Variants in PTPRD observed in about 807,000 individuals in gnomAD.
PTPRD encodes receptor-type tyrosine-protein phosphatase delta.
PTPRD carries 34 observed loss-of-function variants against 214.5 expected under a neutral mutation model. The observed-to-expected ratio is 0.16, with a 90% CI of 0.12 to 0.21. PTPRD has a LOEUF of 0.21. PTPRD is among the 10% of genes least tolerant of loss of function. The pLI, the probability that PTPRD is intolerant of heterozygous loss-of-function variation, is 1.00. For synonymous variants in PTPRD, 1,128 were observed against 845.7 expected, an observed-to-expected ratio of 1.33 and a Z score of -5.79; for missense variants, 2,545 against 2,398.7, an observed-to-expected ratio of 1.06 and a Z score of -1.27.
intron 11 of PTPRD, among the ~76,000 whole-genome samples, chr9:8,836,338 C>A (rs2154531280): frequency 6.6e-6 from 1 of 152,196 alleles, no homozygotes; most frequent in Admixed American, 6.5e-5. Context: ...GAGCCCTTGG[C>A]ACATCTCTAA....
intron 11 of PTPRD, among the ~76,000 whole-genome samples, chr9:8,797,621 C>T (rs2096468008): frequency 6.6e-6 from 1 of 152,188 alleles, no homozygotes; most frequent in South Asian, 2.1e-4. Context: ...GTCTCAAACA[C>T]TATCACATCT....
At chr9:8,810,089 C>T (rs888045473) in intron 11 of PTPRD, among the ~76,000 whole-genome samples, 3 of 152,178 alleles carry the variant, frequency 2.0e-5, no homozygotes, top group South Asian at 2.1e-4. Context: ...ACACACTGGA[C>T]GTTTACTACT....
At chr9:8,488,423 G>A (rs1444551944) in intron 27 of PTPRD, among the ~76,000 whole-genome samples, 5 of 152,156 alleles carry the variant, frequency 3.3e-5, no homozygotes, top group Non-Finnish European at 5.9e-5. Context: ...TGTGTGCTGT[G>A]TTATACATAT....
chr9:9,672,310 C>A (rs2096847208), intron 7 of PTPRD, among the ~76,000 whole-genome samples: 2 of 151,354 alleles, frequency 1.3e-5, no homozygotes, highest in South Asian at 4.2e-4. Flanking sequence ...TTATGATGGG[C>A]AAAAAATAAA....
chr9:8,996,179 C>A (rs1000362633), intron 11 of PTPRD, among the ~76,000 whole-genome samples: 3 of 152,090 alleles, frequency 2.0e-5, no homozygotes, highest in Non-Finnish European at 4.4e-5. Flanking sequence ...ACTACAGCAA[C>A]TTTAATTCAT....
chr9:9,669,470 G>T (rs561783576), intron 7 of PTPRD, among the ~76,000 whole-genome samples: 70 of 152,132 alleles, frequency 4.6e-4, no homozygotes, highest in Non-Finnish European at 7.9e-4. Flanking sequence ...CAATTTGTGA[G>T]TGCTTTAGAA....
chr9:10,211,784 T>A (rs545163159), intron 3 of PTPRD, among the ~76,000 whole-genome samples: 2 of 151,896 alleles, frequency 1.3e-5, no homozygotes, highest in Non-Finnish European at 2.9e-5. Flanking sequence ...ATAATAGGCA[T>A]TGGGAAATCG....
intron 3 of PTPRD, among the ~76,000 whole-genome samples, chr9:10,042,926 A>T (rs1422498348): frequency 6.6e-6 from 1 of 151,986 alleles, no homozygotes; most frequent in Admixed American, 6.6e-5. Context: ...TCCCTATAAC[A>T]TGTAAACAGT....
chr9:10,187,442 A>G (rs1412674881), intron 3 of PTPRD, among the ~76,000 whole-genome samples: 1 of 152,178 alleles, frequency 6.6e-6, no homozygotes, highest in African/African-American at 2.4e-5. Flanking sequence ...CCTCTCAACA[A>G]AAATTTACTT....
Position 10,417,708 on chromosome 9 carries a change from A to G in PTPRD, c.-599-76691T>C, listed in dbSNP as rs139618392. ...AAAATTAAAATTAAAATTGGAAACA[A>G]TAGTAGCAAGGAAGACCCTTCCCCA... On this transcript the variant is annotated intron_variant, in intron 2 of 45. Transcript: ENST00000381196. Among the ~76,000 whole-genome samples, 52 of 151,972 alleles carry G rather than the reference A, an allele frequency of 3.4e-4. 1 individual carries two copies. In the East Asian group the frequency reaches 9.4e-3, roughly 27 times the overall value.
chr9:9,384,386 T>C (rs370558090), intron 9 of PTPRD, among the ~76,000 whole-genome samples: 1 of 108,846 alleles, frequency 9.2e-6, no homozygotes, highest in Non-Finnish European at 1.8e-5. Flanking sequence ...TTTTTTTTTC[T>C]GGTGGGTCAA....
chr9:8,840,566 T>C (rs529271993), intron 11 of PTPRD, among the ~76,000 whole-genome samples: 1 of 152,338 alleles, frequency 6.6e-6, no homozygotes, highest in South Asian at 2.1e-4. Context: ...CCATTGTTAA[T>C]GCAAGCTATC....
At position 10,189,093 on chromosome 9, in the gene PTPRD, TC is replaced by T. The variant is rs2099351044; in HGVS notation, c.-545+151869del. 7.2e-5 allele frequency among the ~76,000 whole-genome samples: 11 copies of T among 152,218 alleles called. No individual in the cohort carries two copies. The South Asian group carries it at 2.3e-3, about 32-fold the overall frequency. On this transcript the variant is annotated intron_variant, in intron 3 of 45. Coordinates refer to ENST00000381196, the MANE Select transcript of PTPRD (RefSeq NM_002839.4). ...ACCTGTCCAGGCAGCACATCTGATG[TC>T]CATTGTGAGGATGTGCTGCAGCCTC...
chr9:9,528,509 G>C (rs2074686966), intron 8 of PTPRD, among the ~76,000 whole-genome samples: 1 of 152,130 alleles, frequency 6.6e-6, no homozygotes, highest in African/African-American at 2.4e-5. Context: ...ATGTCATTGA[G>C]TTCCCAGGAA....
intron 9 of PTPRD, among the ~76,000 whole-genome samples, chr9:9,267,077 TA>T (rs1426503589): frequency 1.3e-5 from 2 of 151,216 alleles, no homozygotes; most frequent in Non-Finnish European, 3.0e-5. Flanking sequence ...TATAAATGAA[TA>T]AATGTTTTAA....
chr9:9,107,280 G>C (rs2099799975), intron 10 of PTPRD, among the ~76,000 whole-genome samples: 1 of 152,098 alleles, frequency 6.6e-6, no homozygotes, highest in African/African-American at 2.4e-5. Flanking sequence ...AAATTCTGCT[G>C]CTAGAATATT....
chr9:9,567,795 T>G (rs1348608180), intron 8 of PTPRD, among the ~76,000 whole-genome samples: 2 of 151,966 alleles, frequency 1.3e-5, no homozygotes, highest in East Asian at 3.9e-4. Context: ...TAAACACAAC[T>G]GGTCTAAGCC....
chr9:9,985,996 G>C (rs937221754), intron 4 of PTPRD, among the ~76,000 whole-genome samples: 7 of 152,014 alleles, frequency 4.6e-5, no homozygotes, highest in Non-Finnish European at 8.8e-5. Flanking sequence ...AATTTGGTTT[G>C]GGGAATAAGG....
At chr9:8,481,368 G>A (rs10815887) in intron 30 of PTPRD, among the ~76,000 whole-genome samples, 30 of 151,772 alleles carry the variant, frequency 2.0e-4, no homozygotes, top group Non-Finnish European at 4.0e-4. Flanking sequence ...AATTGAAAGT[G>A]TACCCAGGAA....
Sources: allele counts gnomAD v4.1 joint callset (sites outside exome capture counted in the v4.1 genomes callset), GRCh38; gene constraint gnomAD v4.1.1; transcripts MANE v1.5; gene names NCBI Gene and HGNC (gene_info 2026-07-23, HGNC 2026-07-21).